DNAJC17: variants seen among roughly 807,000 people sequenced by gnomAD.
DNAJC17 encodes DnaJ heat shock protein family (Hsp40) member C17.
In DNAJC17, 35 loss-of-function variants were observed where a neutral mutation model predicts 48.1. The ratio of observed to expected loss-of-function variants is 0.73; its 90% CI spans 0.56 to 0.96. The LOEUF (loss-of-function observed/expected upper bound fraction) is 0.96, where lower values mean the gene tolerates loss of function less well. DNAJC17 is among the 50% of genes least tolerant of loss of function. The pLI, the probability that DNAJC17 is intolerant of heterozygous loss-of-function variation, is 0.00. For synonymous variants in DNAJC17, 117 were observed against 142.7 expected (o/e 0.82, Z 1.28); for missense variants, 355 against 377.1 (o/e 0.94, Z 0.48).
chr15:40,786,605 C>T (rs1332711025), intron 1 of DNAJC17, among the ~76,000 whole-genome samples: 1 of 152,196 alleles, frequency 6.6e-6, no homozygotes, highest in East Asian at 1.9e-4. Context: ...TTCTTCTTTA[C>T]CTATAGGTTT....
intron 1 of DNAJC17, among the ~76,000 whole-genome samples, chr15:40,782,768 T>C (rs578175009): frequency 6.6e-6 from 1 of 152,160 alleles, no homozygotes; most frequent in South Asian, 2.1e-4. Context: ...CCTCCATCCA[T>C]GAGGCAGCCA....
intron 6 of DNAJC17, 36 bp from the exon 7 acceptor site, chr15:40,775,632 G>C: frequency 6.3e-7 from 1 of 1,597,640 alleles, no homozygotes; most frequent in Non-Finnish European, 8.6e-7. Context: ...AGTAGAATAT[G>C]AGGGAGTCAG....
At chr15:40,779,339 G>A (rs375473814) in intron 3 of DNAJC17, 29 bp from the exon 4 acceptor site, 5 of 1,611,840 alleles carry the variant, frequency 3.1e-6, no homozygotes, top group South Asian at 1.1e-5. Context: ...ACAGGGCAGA[G>A]GGTCAGTGAG....
rs1889108948 is a variant in DNAJC17 at position 40,770,698 on chromosome 15, G to A, written c.793-2636C>T. ...GATGGCCGGCGCCTGCCACTGTGGG[G>A]GGACGAGCAGCCCCGGGCCACCCTG... On this transcript the variant is annotated intron_variant, in intron 10 of 10. Coordinates refer to ENST00000220496, the MANE Select transcript of DNAJC17 (RefSeq NM_018163.3). This position sits in a 1 kb window ranked among gnomAD's most constrained non-coding sequence, Gnocchi z 5.0. The A allele has an allele frequency of 1.3e-6, 2 of 1,547,698 alleles. No individual in the cohort carries two copies. Among genetic ancestry groups the A allele is most frequent in the East Asian group, 2.4e-5 (1 of 40,906 alleles).
At chr15:40,773,664 G>C in intron 10 of DNAJC17, 63 bp downstream of exon 10, 1 of 1,334,810 alleles carries the variant, frequency 7.5e-7, no homozygotes, top group Non-Finnish European at 1.0e-6. Flanking sequence ...GAGCCTGAGA[G>C]GAGCCCAGGT....
At chr15:40,799,191 C>G (rs898961954) in intron 1 of DNAJC17, among the ~76,000 whole-genome samples, 8 of 146,354 alleles carry the variant, frequency 5.5e-5, no homozygotes, top group Non-Finnish European at 1.2e-4. Flanking sequence ...TGCCACTGCA[C>G]TCCAGCCTGA....
intron 1 of DNAJC17, among the ~76,000 whole-genome samples, chr15:40,804,126 C>T (rs1890142168): frequency 6.7e-6 from 1 of 149,774 alleles, no homozygotes; most frequent in South Asian, 2.1e-4. Flanking sequence ...AACACCCTGC[C>T]CAGCTTTTTT....
intron 1 of DNAJC17, among the ~76,000 whole-genome samples, chr15:40,797,277 G>A (rs1330450126): frequency 6.6e-6 from 1 of 152,176 alleles, no homozygotes; most frequent in Non-Finnish European, 1.5e-5. Context: ...GACTGAAGTG[G>A]GACGACTGCT....
Position 40,770,261 on chromosome 15 carries a change from G to C in DNAJC17, c.793-2199C>G, listed in dbSNP as rs1392414887. 3.6e-6 allele frequency: 2 copies of C among 560,342 alleles called. No homozygotes were observed. Among genetic ancestry groups the C allele is most frequent in the East Asian group, 3.0e-5 (1 of 33,758 alleles). The allele number at this position is 560,342 out of a possible 1,614,324, so 34.7% of individuals were successfully genotyped here. A position where few individuals can be genotyped will look rare whatever the true frequency, so the allele number is the denominator to read the frequency against. ...TAACCAGGCCACTCCTGTCCCTGTG[G>C]GAAACTCTTGCTGCCAGGAACTCCC... On this transcript the variant is annotated intron_variant, in intron 10 of 10. Coordinates refer to ENST00000220496, the MANE Select transcript of DNAJC17 (RefSeq NM_018163.3). This position sits in a 1 kb window ranked among gnomAD's most constrained non-coding sequence, Gnocchi z 5.0.
intron 1 of DNAJC17, among the ~76,000 whole-genome samples, chr15:40,800,976 C>A (rs1462620778): frequency 6.7e-6 from 1 of 150,034 alleles, no homozygotes; most frequent in African/African-American, 2.4e-5. Context: ...AAAAAAAGGT[C>A]ATGGGCCATT....
chr15:40,800,950 C>T (rs923483265), intron 1 of DNAJC17, among the ~76,000 whole-genome samples: 8 of 138,650 alleles, frequency 5.8e-5, no homozygotes, highest in African/African-American at 1.8e-4. Context: ...AGCGAGACTC[C>T]GTCTCAAAAA....
At chr15:40,785,050 A>C (rs904188783) in intron 1 of DNAJC17, among the ~76,000 whole-genome samples, 4 of 152,160 alleles carry the variant, frequency 2.6e-5, no homozygotes, top group African/African-American at 9.7e-5. Flanking sequence ...GTGAGCCGAG[A>C]TCATGCCATT....
At chr15:40,801,573 G>A (rs1227992425) in intron 1 of DNAJC17, among the ~76,000 whole-genome samples, 1 of 152,138 alleles carries the variant, frequency 6.6e-6, no homozygotes, top group East Asian at 1.9e-4. Context: ...TGTGAATGGT[G>A]AAACCCCGTC....
chr15:40,778,641 A>G (rs1183920148), intron 4 of DNAJC17, among the ~76,000 whole-genome samples: 1 of 152,158 alleles, frequency 6.6e-6, no homozygotes, highest in African/African-American at 2.4e-5. Context: ...TTTGCCTATA[A>G]AAAATGGCTT....
intron 1 of DNAJC17, among the ~76,000 whole-genome samples, chr15:40,788,599 G>C (rs1220986794): frequency 2.6e-5 from 4 of 151,886 alleles, no homozygotes; most frequent in Non-Finnish European, 5.9e-5. Flanking sequence ...GGGAGGCTGA[G>C]GCAGGAGAAT....
At chr15:40,805,407 C>T (rs1238459487) in intron 1 of DNAJC17, among the ~76,000 whole-genome samples, 16 of 146,170 alleles carry the variant, frequency 1.1e-4, no homozygotes, top group Non-Finnish European at 1.8e-4. Flanking sequence ...ATTAGCCGGG[C>T]GTGGTGGTAC....
rs548858846 is a variant in DNAJC17, at chr15:40,773,697, C to T, written c.792+30G>A. Reference sequence around the variant, plus strand: ...GGTAGGAAGAGCTCCGAGACCTGAGCGCCCAGCCGGGCGAGGCCTGACTCC... The same window carrying T: ...GGTAGGAAGAGCTCCGAGACCTGAGTGCCCAGCCGGGCGAGGCCTGACTCC... On this transcript the variant is annotated intron_variant, in intron 10 of 10. Coordinates refer to ENST00000220496, the MANE Select transcript of DNAJC17 (RefSeq NM_018163.3). The T allele has an allele frequency of 1.1e-4, 167 of 1,575,470 alleles. 2 individuals carry two copies. The South Asian group carries it at 1.5e-3, about 15-fold the overall frequency.
intron 4 of DNAJC17, chr15:40,778,943 T>C (rs1596080651): frequency 2.4e-6 from 1 of 414,188 alleles, no homozygotes; most frequent in African/African-American, 2.0e-5. Context: ...CAAAAAACCA[T>C]GTTCTTAAAA....
Position 40,767,400 on chromosome 15 carries a change from G to T in DNAJC17, c.*540C>A, listed in dbSNP as rs149691221. ...GGCACCCCTGTGGAGGGGCTGCTGTGGGCCCTGACCTCCAAGCTCCTGCCT... is the reference window on the plus strand; with the variant it reads ...GGCACCCCTGTGGAGGGGCTGCTGTTGGCCCTGACCTCCAAGCTCCTGCCT... On this transcript the variant is annotated 3_prime_UTR_variant, in exon 11 of 11. Transcript: ENST00000220496. The T allele has an allele frequency of 3.4e-4, 532 of 1,546,250 alleles. 3 individuals carry two copies. In the African/African-American group the frequency reaches 6.7e-3, roughly 20 times the overall value.
Sources: gnomAD v4.1 joint callset for allele counts (sites outside exome capture counted in the v4.1 genomes callset) on GRCh38, gnomAD v4.1.1 for gene constraint, Gnocchi (gnomAD v3.1) non-coding constraint, MANE v1.5 for transcripts, NCBI Gene and HGNC (gene_info 2026-07-23, HGNC 2026-07-21) for gene names.